The following HHATL variants were observed in gnomAD, a reference collection of about 807,000 sequenced individuals.
HHATL encodes hedgehog acyltransferase like.
In HHATL, 49 loss-of-function variants were observed where a neutral mutation model predicts 59.7. The ratio of observed to expected loss-of-function variants is 0.82; its 90% CI spans 0.65 to 1.04. The LOEUF (loss-of-function observed/expected upper bound fraction) is 1.04, where lower values mean the gene tolerates loss of function less well. HHATL is among the 50% of genes least tolerant of loss of function. HHATL has a pLI of 0.00. For synonymous variants in HHATL, 238 were observed against 257.3 expected, an observed-to-expected ratio of 0.93 and a Z score of 0.72; for missense variants, 605 against 650.8, an observed-to-expected ratio of 0.93 and a Z score of 0.77.
intron 6 of HHATL, 80 bp downstream of exon 6, chr3:42,698,062 G>A (rs1179039508): frequency 4.3e-6 from 6 of 1,396,226 alleles, no homozygotes; most frequent in Admixed American, 3.4e-5. Context: ...CCTGCTTGGG[G>A]AATTCTATCT....
Position 42,700,645 on chromosome 3 carries a change from G to A in HHATL, c.106+76C>T, listed in dbSNP as rs115119083. Reference sequence around the variant, plus strand: ...CTAGGTCTGGAGCCTGTAACTTTCTGGCTTTGCTGGTTGGAACCCTGAGGC... The same window carrying A: ...CTAGGTCTGGAGCCTGTAACTTTCTAGCTTTGCTGGTTGGAACCCTGAGGC... On this transcript the variant is annotated intron_variant, in intron 2 of 11. Coordinates refer to ENST00000441594, the MANE Select transcript of HHATL (RefSeq NM_020707.4). The A allele has an allele frequency of 1.8e-3, 1,679 of 933,812 alleles. 17 individuals carry two copies. The African/African-American group carries it at 0.025, about 14-fold the overall frequency. 57.8% of individuals were successfully genotyped at this position (933,812 alleles called of 1,614,324 possible).
Position 42,693,197 on chromosome 3 carries a change from A to G in HHATL, c.1270T>C (p.Ser424Pro). 1 of 1,614,172 alleles carries G rather than the reference A, an allele frequency of 6.2e-7. No homozygotes were observed. The highest frequency in any genetic ancestry group is 8.5e-7 in the Non-Finnish European group (1 of 1,180,008). ...RIEASLSVQM[S>P]RRVRALFGAM... ...CCAAACAGGGCCCGGACCCTACGGG[A>G]CATCTGCACTGACAGAGAGGCCTAT... Residue 424 changes from serine (S) to proline (P), a missense_variant, in exon 11 of 12, where the codon TCC (serine) becomes CCC (proline). Transcript: ENST00000441594.
Position 42,696,981 on chromosome 3 carries a change from C to A in HHATL, c.1010+20G>T. The A allele has an allele frequency of 6.2e-7, 1 of 1,611,350 alleles. No homozygotes were observed. Among genetic ancestry groups the A allele is most frequent in the Non-Finnish European group, 8.5e-7 (1 of 1,178,350 alleles). ...TGTGGTCCCAGGGGGTGAGCCTCCC[C>A]CGTCCTGGCCAGCACTCACGTTTCC... On this transcript the variant is annotated intron_variant, in intron 8 of 11. Coordinates refer to ENST00000441594, the MANE Select transcript of HHATL (RefSeq NM_020707.4).
In HHATL at chr3:42,698,766, A is replaced by G. The variant is rs142060437; in HGVS notation, c.425T>C (p.Leu142Pro). Reference sequence around the variant, plus strand: ...GGCCAGGCTGGCCAAGCCAAGGCCAAGACAGAGCCAGGGCTGGCCCAAAAG... The same window carrying G: ...GGCCAGGCTGGCCAAGCCAAGGCCAGGACAGAGCCAGGGCTGGCCCAAAAG... Reference protein sequence around the residue: ...ASLLGQPWLCLGLGLASLASF... With the variant: ...ASLLGQPWLCPGLGLASLASF... The change falls in exon 5 of 12, where the codon CTT becomes CCT. Residue 142 changes from leucine to proline, a missense_variant. Transcript: ENST00000441594. The G allele has an allele frequency of 1.1e-5, 17 of 1,609,242 alleles. No individual in the cohort carries two copies. The African/African-American group carries it at 1.7e-4, about 16-fold the overall frequency.
At chr3:42,695,743 C>T (rs2125851051) in intron 9 of HHATL, among the ~76,000 whole-genome samples, 1 of 152,274 alleles carries the variant, frequency 6.6e-6, no homozygotes, top group Admixed American at 6.5e-5. Context: ...TACTTGTCTA[C>T]ATTAACCTGC....
intron 9 of HHATL, among the ~76,000 whole-genome samples, chr3:42,695,096 G>A (rs1020861781): frequency 2.0e-5 from 3 of 152,000 alleles, no homozygotes; most frequent in Middle Eastern, 3.2e-3. Context: ...TCCATTCCTC[G>A]ACCTCCTCAT....
chr3:42,694,849 A>G (rs1697536481), intron 9 of HHATL, among the ~76,000 whole-genome samples: 1 of 152,188 alleles, frequency 6.6e-6, no homozygotes, highest in Non-Finnish European at 1.5e-5. Context: ...GTCAACTTCT[A>G]TCCCATTGCA....
chr3:42,692,860 G>T lies in HHATL; in HGVS notation c.1406C>A (p.Thr469Lys). Residue 469 changes from threonine (T) to lysine (K), a missense_variant, in exon 12 of 12, where the codon ACG (threonine) becomes AAG (lysine). Physicochemically the swap from Thr to Lys is moderately conservative, Grantham distance 78. Transcript: ENST00000441594. ...GTAGGTGACAAACAGGATGGACAGC[G>T]TGGTCTGGGGGAACCCTGTGTGGGG... Reference protein sequence around the residue: ...RLLLTGFPQTTLSILFVTYCG... With the variant: ...RLLLTGFPQTKLSILFVTYCG... The T allele has an allele frequency of 6.2e-7, 1 of 1,614,206 alleles. No individual in the cohort carries two copies. Among genetic ancestry groups the T allele is most frequent in the Non-Finnish European group, 8.5e-7 (1 of 1,180,018 alleles).
chr3:42,700,803 C>A lies in HHATL; in HGVS notation c.24G>T (p.Pro8=), dbSNP rs753460382. 10 of 1,613,722 alleles carry A rather than the reference C, an allele frequency of 6.2e-6. No individual in the cohort carries two copies. The highest frequency in any genetic ancestry group is 8.5e-6 in the Non-Finnish European group (10 of 1,179,820). The change falls in exon 2 of 12, where the codon CCG becomes CCT. Residue 8 remains proline, a synonymous_variant. Coordinates refer to ENST00000441594, the MANE Select transcript of HHATL (RefSeq NM_020707.4). ...GAGAGTAGAGGCCCAGCTCAGCCGC[C>A]GGCAATGCTGTCTTGATGCCCATAG... MGIKTAL[P]AAELGLYSLV... is the part of the protein sequence containing the mutation.
Position 42,699,790 on chromosome 3 carries a change from G to A in HHATL, c.142C>T (p.Arg48Ter), listed in dbSNP as rs200373562. The A allele has an allele frequency of 2.3e-5, 36 of 1,577,650 alleles. No homozygotes were observed. Among genetic ancestry groups the A allele is most frequent in the Admixed American group, 1.6e-4 (9 of 55,616 alleles). Residue 48 changes from arginine to a stop codon, truncating the protein, a stop_gained, in exon 3 of 12, where the codon CGA (arginine) becomes TGA (stop). Transcript: ENST00000441594. LOFTEE classifies it high-confidence loss of function. ...CGGCCAATGTACTCCCAGCCAGGTC[G>A]CACAGACTCCCGGAAGGCCTTCCTG... ...AHRKAFRESVRPGWEYIGRKM... is the reference protein window; with the variant it reads ...AHRKAFRESV
rs370979838 is a variant in HHATL at position 42,697,529 on chromosome 3, G to T, written c.844C>A (p.Arg282Ser). ...TIPSDLKFAN[R>S]LPDSALAGLA... Reference sequence around the variant, plus strand: ...CCACCGAGGGCACTGTCTGGGAGGCGGTTGGCGAACTTGAGGTCGCTGGGG... The same window carrying T: ...CCACCGAGGGCACTGTCTGGGAGGCTGTTGGCGAACTTGAGGTCGCTGGGG... Residue 282 changes from arginine to serine, a missense_variant, in exon 7 of 12, where the codon CGC becomes AGC. By Grantham distance (110) the Arg-to-Ser change is moderately radical. Coordinates refer to ENST00000441594, the MANE Select transcript of HHATL (RefSeq NM_020707.4). 43 of 1,614,022 alleles carry T rather than the reference G, an allele frequency of 2.7e-5. No individual in the cohort carries two copies. The South Asian group carries it at 4.6e-4, about 17-fold the overall frequency.
chr3:42,692,877 T>C lies in HHATL; in HGVS notation c.1391-2A>G. The C allele has an allele frequency of 6.2e-7, 1 of 1,614,050 alleles. No individual in the cohort carries two copies. Among genetic ancestry groups the C allele is most frequent in the East Asian group, 2.2e-5 (1 of 44,880 alleles). The stretch of plus-strand genomic sequence containing the variant: ...TGGACAGCGTGGTCTGGGGGAACCC[T>C]GTGTGGGGAGGGAGTCATAGATGCT... On this transcript the variant is annotated splice_acceptor_variant, in intron 11 of 11. Coordinates refer to ENST00000441594, the MANE Select transcript of HHATL (RefSeq NM_020707.4). LOFTEE classifies it high-confidence loss of function.
At position 42,698,914 on chromosome 3, in the gene HHATL, G is replaced by C. The variant is rs770453576; in HGVS notation, c.289-12C>G. On this transcript the variant is annotated splice_polypyrimidine_tract_variant and intron_variant, in intron 4 of 11. Transcript: ENST00000441594. ...ATCCAGGAGCGGAGCTGTGGGCAGG[G>C]AGAAGGCTTCAGTTTCGCCATATAA... 1 of 1,604,302 alleles carries C rather than the reference G, an allele frequency of 6.2e-7. No individual in the cohort carries two copies.
intron 11 of HHATL, 89 bp downstream of exon 11, chr3:42,692,988 G>A: frequency 6.3e-7 from 1 of 1,586,868 alleles, no homozygotes; most frequent in Non-Finnish European, 8.6e-7. Flanking sequence ...TCCCAGGGGT[G>A]ATGAGGGAGA....
intron 9 of HHATL, among the ~76,000 whole-genome samples, chr3:42,694,508 T>G (rs1399110883): frequency 6.6e-6 from 1 of 152,210 alleles, no homozygotes; most frequent in Non-Finnish European, 1.5e-5. Flanking sequence ...GTCACATCAC[T>G]TCCATGATTA....
intron 9 of HHATL, among the ~76,000 whole-genome samples, chr3:42,695,715 C>G (rs1240992588): frequency 6.6e-6 from 1 of 152,178 alleles, no homozygotes. Flanking sequence ...AAGGCTGAAG[C>G]CTTCAGGTGG....
chr3:42,697,748 C>T (rs1697701441), intron 6 of HHATL, 69 bp from the exon 7 acceptor site: 8 of 1,506,404 alleles, frequency 5.3e-6, no homozygotes, highest in Non-Finnish European at 7.2e-6. Context: ...GAGGGGGGCT[C>T]ACCAACTACT....
At chr3:42,693,571 C>G in intron 10 of HHATL, 46 bp downstream of exon 10, 1 of 1,539,348 alleles carries the variant, frequency 6.5e-7, no homozygotes, top group Non-Finnish European at 8.9e-7. Context: ...TGCCCCCCCG[C>G]CCTCTATGAC....
intron 5 of HHATL, 73 bp from the exon 6 acceptor site, chr3:42,698,424 C>A: frequency 7.0e-7 from 1 of 1,418,882 alleles, no homozygotes; most frequent in East Asian, 2.4e-5. Context: ...TCCCCACTCC[C>A]TAGCTTCCCA....
Sources: allele counts gnomAD v4.1 joint callset (sites outside exome capture counted in the v4.1 genomes callset), GRCh38; gene constraint gnomAD v4.1.1; transcripts MANE v1.5; gene names NCBI Gene and HGNC (gene_info 2026-07-23, HGNC 2026-07-21).